Variants in KIF13B observed in about 807,000 individuals in gnomAD.
KIF13B encodes kinesin-like protein KIF13B.
Under a neutral mutation model 222.0 loss-of-function variants are expected in KIF13B, and 127 were observed. The observed-to-expected ratio is 0.57, with a 90% CI of 0.50 to 0.66. KIF13B has a LOEUF of 0.66. KIF13B is among the 30% of genes least tolerant of loss of function. KIF13B has a pLI of 0.00. For missense variants in KIF13B, 2,173 were observed against 2,379.0 expected (o/e 0.91, Z 1.80); for synonymous variants, 976 against 919.0 (o/e 1.06, Z -1.12).
chr8:29,137,042 C>A (rs957890057), intron 21 of KIF13B, among the ~76,000 whole-genome samples: 1 of 151,934 alleles, frequency 6.6e-6, no homozygotes, highest in East Asian at 1.9e-4. Flanking sequence ...CCTTGTGATC[C>A]GCCCGCCTCA....
At chr8:29,210,543 G>A (rs572556392) in intron 2 of KIF13B, among the ~76,000 whole-genome samples, 28 of 152,188 alleles carry the variant, frequency 1.8e-4, no homozygotes, top group Non-Finnish European at 2.8e-4. Flanking sequence ...TCCATTTTTC[G>A]TTTAGTTTGA....
chr8:29,147,464 C>G lies in KIF13B; in HGVS notation c.1952G>C (p.Cys651Ser). Residue 651 changes from cysteine (C) to serine (S), a missense_variant, in exon 17 of 40, where the codon TGC becomes TCC. By Grantham distance (112) the Cys-to-Ser change is moderately radical (BLOSUM62 -1). Around this residue, in one of 2 missense-constraint regions of KIF13B, gnomAD observed 1,480 missense variants for 1,722.8 expected, o/e 0.86. Transcript: ENST00000524189. ...GAAAGAAAACCTGTCCATGCTCCGG[C>G]AGTTCTGCTTCTCAGGAGACAGCCT... ...RRRLSPEKQN[C>S]RSMDRFSFHS... 1.2e-6 allele frequency: 2 copies of G among 1,612,946 alleles called. No individual in the cohort carries two copies. The highest frequency in any genetic ancestry group is 1.7e-5 in the Admixed American group (1 of 59,908).
intron 5 of KIF13B, among the ~76,000 whole-genome samples, chr8:29,188,174 T>C (rs1455500073): frequency 2.0e-5 from 3 of 152,154 alleles, no homozygotes; most frequent in South Asian, 4.1e-4. Flanking sequence ...TTAACAAGTA[T>C]GTTCTTTTTG....
chr8:29,227,432 G>C (rs1815073466), intron 2 of KIF13B, among the ~76,000 whole-genome samples: 1 of 152,040 alleles, frequency 6.6e-6, no homozygotes, highest in Non-Finnish European at 1.5e-5. Context: ...TGGGATTACA[G>C]GTGCCCACCA....
In KIF13B at chr8:29,117,293, T is replaced by C. The variant is rs143834260; in HGVS notation, c.3661-286A>G. ...TGCAAAAATTCAGTCGAGTGATTTG[T>C]ACCCCTTTCATCCCGACGCACCAAC... On this transcript the variant is annotated intron_variant, in intron 30 of 39. Transcript: ENST00000524189. Among the ~76,000 whole-genome samples, 568 of 152,324 alleles carry C rather than the reference T, an allele frequency of 3.7e-3. 8 individuals carry two copies. The highest frequency in any genetic ancestry group is 0.013 in the African/African-American group (533 of 41,556).
At chr8:29,134,686 T>TA (rs1404366965) in intron 21 of KIF13B, among the ~76,000 whole-genome samples, 1 of 152,200 alleles carries the variant, frequency 6.6e-6, no homozygotes, top group Admixed American at 6.5e-5. Context: ...TTTGATATTT[T>TA]AAAGTATAAA....
At chr8:29,132,587 T>C in intron 22 of KIF13B, 122 bp from the exon 23 acceptor site, 1 of 587,376 alleles carries the variant, frequency 1.7e-6, no homozygotes, top group Non-Finnish European at 2.6e-6. Context: ...AATGTTTTAG[T>C]TATACAGAAC....
chr8:29,190,885 C>G (rs1377724970), intron 4 of KIF13B, 112 bp downstream of exon 4: 4 of 830,022 alleles, frequency 4.8e-6, no homozygotes, highest in Non-Finnish European at 8.5e-6. Context: ...TGTGGTGTGA[C>G]AGCAGAGGAA....
chr8:29,237,269 TA>T (rs1815554088), intron 2 of KIF13B, among the ~76,000 whole-genome samples: 1 of 151,726 alleles, frequency 6.6e-6, no homozygotes, highest in South Asian at 2.1e-4. Context: ...TCAAAAAAAC[TA>T]AGCAAAATAA....
intron 35 of KIF13B, 105 bp from the exon 36 acceptor site, chr8:29,099,346 T>A: frequency 1.4e-6 from 1 of 731,406 alleles, no homozygotes; most frequent in Non-Finnish European, 2.3e-6. Context: ...TTACTAAAGC[T>A]CCTTTGAATA....
At chr8:29,237,920 A>G (rs1815584356) in intron 2 of KIF13B, among the ~76,000 whole-genome samples, 1 of 152,226 alleles carries the variant, frequency 6.6e-6, no homozygotes. Context: ...ACTTCTGAGT[A>G]CACAGAACCA....
At chr8:29,194,540 G>C (rs1813334873) in intron 3 of KIF13B, among the ~76,000 whole-genome samples, 1 of 152,116 alleles carries the variant, frequency 6.6e-6, no homozygotes, top group African/African-American at 2.4e-5. Flanking sequence ...GGCTAGCCTA[G>C]CTCTATTCCC....
chr8:29,139,841 G>C (rs1186734545), intron 21 of KIF13B, among the ~76,000 whole-genome samples: 1 of 152,172 alleles, frequency 6.6e-6, no homozygotes, highest in African/African-American at 2.4e-5. Flanking sequence ...CGGGTGTTTG[G>C]AAATGGAGGA....
chr8:29,262,942 G>T (rs756937977), intron 1 of KIF13B, 38 bp downstream of exon 1: 8 of 1,516,878 alleles, frequency 5.3e-6, no homozygotes, highest in Non-Finnish European at 6.2e-6. Flanking sequence ...GGCACCTGCC[G>T]CCTCCGCCCC....
chr8:29,137,035 T>C (rs546383631), intron 21 of KIF13B, among the ~76,000 whole-genome samples: 1 of 151,736 alleles, frequency 6.6e-6, no homozygotes, highest in Non-Finnish European at 1.5e-5. Flanking sequence ...CTCCTGACCT[T>C]GTGATCCGCC....
chr8:29,139,218 T>C (rs1810700360), intron 21 of KIF13B, among the ~76,000 whole-genome samples: 1 of 152,230 alleles, frequency 6.6e-6, no homozygotes, highest in Non-Finnish European at 1.5e-5. Context: ...AGGAAGCCCA[T>C]ATGACTTAGA....
At chr8:29,245,255 C>T (rs1815970058) in intron 2 of KIF13B, 91 bp downstream of exon 2, 4 of 834,552 alleles carry the variant, frequency 4.8e-6, no homozygotes, top group East Asian at 2.7e-5. Context: ...GGTAGGCATT[C>T]GATATCTATT....
chr8:29,147,090 C>A (rs184081933), intron 17 of KIF13B, among the ~76,000 whole-genome samples: 145 of 152,258 alleles, frequency 9.5e-4, no homozygotes, highest in Non-Finnish European at 1.8e-3. Flanking sequence ...AAATCATCTA[C>A]CCAAGCTTCA....
chr8:29,159,310 C>T (rs574200014), intron 13 of KIF13B, among the ~76,000 whole-genome samples: 3 of 152,186 alleles, frequency 2.0e-5, no homozygotes, highest in East Asian at 3.9e-4. Context: ...ACCACCACCC[C>T]GGCTAATTTT....
Sources: gnomAD v4.1 joint callset for allele counts (sites outside exome capture counted in the v4.1 genomes callset) on GRCh38, gnomAD v4.1.1 for gene constraint, gnomAD v4.1.1 regional missense constraint, MANE v1.5 for transcripts, NCBI Gene and HGNC (gene_info 2026-07-23, HGNC 2026-07-21) for gene names.